Variants in FCER1G observed in about 807,000 individuals in gnomAD.
FCER1G encodes Fc epsilon receptor Ig.
A neutral mutation model predicts 17.3 loss-of-function variants in FCER1G; 7 were observed. The observed-to-expected ratio is 0.40, with a 90% CI of 0.23 to 0.76. The LOEUF (loss-of-function observed/expected upper bound fraction) is 0.76. Ranked by LOEUF, FCER1G falls within the 30% of genes least tolerant of loss-of-function variation. FCER1G has a pLI of 0.35. For missense variants in FCER1G, 87 were observed against 97.7 expected (o/e 0.89, Z 0.46); for synonymous variants, 35 against 38.7 (o/e 0.90, Z 0.35).
Position 161,215,440 on chromosome 1 carries a change from C to T in FCER1G, c.49+70C>T, listed in dbSNP as rs1275314784. Reference sequence around the variant, plus strand: ...GAAGTCCAGAGCTTGGGTCTGAGGGCCAAGTCAAACACAGGTGAAGGAAGG... The same window carrying T: ...GAAGTCCAGAGCTTGGGTCTGAGGGTCAAGTCAAACACAGGTGAAGGAAGG... On this transcript the variant is annotated intron_variant, in intron 1 of 4. Coordinates refer to ENST00000289902, the MANE Select transcript of FCER1G (RefSeq NM_004106.2). 65 of 1,350,420 alleles carry T rather than the reference C, an allele frequency of 4.8e-5. No homozygotes were observed. In the South Asian group the frequency reaches 7.4e-4, roughly 15 times the overall value. The allele number at this position is 1,350,420 out of a possible 1,614,324, so 83.7% of individuals were successfully genotyped here.
intron 3 of FCER1G, 109 bp from the exon 4 acceptor site, chr1:161,218,594 C>G (rs2102065319): frequency 8.7e-7 from 1 of 1,143,030 alleles, no homozygotes; most frequent in Non-Finnish European, 1.3e-6. Flanking sequence ...TGCCCTCTAG[C>G]CCAAGGTGGC....
rs1666105813 is a variant in FCER1G at position 161,218,871 on chromosome 1, C to T, written c.199-10C>T. 8 of 1,612,828 alleles carry T rather than the reference C, an allele frequency of 5.0e-6. No homozygotes were observed. Among genetic ancestry groups the T allele is most frequent in the Non-Finnish European group, 5.1e-6 (6 of 1,178,958 alleles). Reference sequence around the variant, plus strand: ...CCAGCTCCTGATCGCCCTTTGACTCCCATCTCCAGGGCCTGAGCACCAGGA... The same window carrying T: ...CCAGCTCCTGATCGCCCTTTGACTCTCATCTCCAGGGCCTGAGCACCAGGA... On this transcript the variant is annotated splice_polypyrimidine_tract_variant and intron_variant, in intron 4 of 4. Coordinates refer to ENST00000289902, the MANE Select transcript of FCER1G (RefSeq NM_004106.2).
intron 3 of FCER1G, 67 bp from the exon 4 acceptor site, chr1:161,218,636 G>A: frequency 1.3e-6 from 2 of 1,571,578 alleles, no homozygotes; most frequent in Admixed American, 3.3e-5. Flanking sequence ...TCCCTGGGTG[G>A]GGCAGATGCT....
At chr1:161,216,697 C>T (rs997490725) in intron 1 of FCER1G, among the ~76,000 whole-genome samples, 9 of 152,112 alleles carry the variant, frequency 5.9e-5, no homozygotes, top group Non-Finnish European at 1.0e-4. Context: ...TAAGAATTCT[C>T]ACTCCTCGTT....
intron 3 of FCER1G, 85 bp from the exon 4 acceptor site, chr1:161,218,618 C>G (rs911043061): frequency 3.4e-6 from 5 of 1,468,794 alleles, no homozygotes; most frequent in East Asian, 2.3e-5. Context: ...CTGCCCACCC[C>G]CCATGCCTCC....
chr1:161,215,327 T>A lies in FCER1G; in HGVS notation c.6T>A (p.Ile2=), dbSNP rs188955540. ...CGGCCGATCTCCAGCCCAAGATGAT[T>A]CCAGCAGTGGTCTTGCTCTTACTCC... M[I]PAVVLLLLLL... Residue 2 remains isoleucine, a synonymous_variant, in exon 1 of 5, where the codon ATT becomes ATA. Transcript: ENST00000289902. 3 of 1,613,824 alleles carry A rather than the reference T, an allele frequency of 1.9e-6. No homozygotes were observed. Among genetic ancestry groups the A allele is most frequent in the Non-Finnish European group, 1.7e-6 (2 of 1,179,824 alleles).
In FCER1G at chr1:161,216,377, T is replaced by TACACACACAC. The variant is rs57711151; in HGVS notation, c.49+1033_49+1042dup. Among the ~76,000 whole-genome samples the TACACACACAC allele has an allele frequency of 4.7e-3, 569 of 120,502 alleles. 3 individuals carry two copies. Among genetic ancestry groups the TACACACACAC allele is most frequent in the African/African-American group, 0.014 (440 of 31,154 alleles). The allele number at this position is 120,502 out of a possible 152,430, so 79.1% of individuals were successfully genotyped here. On this transcript the variant is annotated intron_variant, in intron 1 of 4. Coordinates refer to ENST00000289902, the MANE Select transcript of FCER1G (RefSeq NM_004106.2). ...CTATCTATATACACACACACACACATACACACACACACACACACACACACA... is the reference window on the plus strand; with the variant it reads ...CTATCTATATACACACACACACACATACACACACACACACACACACACACACACACACACA...
At position 161,217,976 on chromosome 1, in the gene FCER1G, A is replaced by G. The variant is rs781211578; in HGVS notation, c.50-10A>G. 7 of 1,600,810 alleles carry G rather than the reference A, an allele frequency of 4.4e-6. No homozygotes were observed. The highest frequency in any genetic ancestry group is 6.0e-6 in the Non-Finnish European group (7 of 1,168,090). On this transcript the variant is annotated splice_polypyrimidine_tract_variant and intron_variant, in intron 1 of 4. Transcript: ENST00000289902. ...ACCCCCGACCCCATGGGCATCCTCTATCCCCTCAGCGGCCCTGGGAGAGCC... is the reference window on the plus strand; with the variant it reads ...ACCCCCGACCCCATGGGCATCCTCTGTCCCCTCAGCGGCCCTGGGAGAGCC...
intron 1 of FCER1G, among the ~76,000 whole-genome samples, chr1:161,216,377 TACACACACACAC>T (rs57711151): frequency 2.0e-4 from 24 of 120,534 alleles, no homozygotes; most frequent in Middle Eastern, 9.3e-3. Context: ...CACACACACA[TACACACACACAC>T]ACACACACAC....
chr1:161,217,910 C>A, intron 1 of FCER1G, 76 bp from the exon 2 acceptor site: 2 of 985,298 alleles, frequency 2.0e-6, no homozygotes, highest in Non-Finnish European at 3.3e-6. Flanking sequence ...CCTCCCAGAG[C>A]CCCTTCCCTT....
At chr1:161,217,144 C>T (rs1666068517) in intron 1 of FCER1G, among the ~76,000 whole-genome samples, 1 of 152,180 alleles carries the variant, frequency 6.6e-6, no homozygotes, top group Non-Finnish European at 1.5e-5. Context: ...TGACCGATGT[C>T]AGCAATTGAC....
intron 1 of FCER1G, among the ~76,000 whole-genome samples, chr1:161,215,775 T>C (rs1422282205): frequency 6.6e-6 from 1 of 152,032 alleles, no homozygotes; most frequent in African/African-American, 2.4e-5. Context: ...GTATTTTTGG[T>C]AGAAACCGGG....
Position 161,215,384 on chromosome 1 carries a change from G to A in FCER1G, c.49+14G>A. The A allele has an allele frequency of 6.2e-7, 1 of 1,611,958 alleles. No homozygotes were observed. The highest frequency in any genetic ancestry group is 8.5e-7 in the Non-Finnish European group (1 of 1,178,288). ...TTGAACAAGCAGGTAAGAGGGTTTG[G>A]TGAGGGATAGCGTGAGCTGGCTCCA... On this transcript the variant is annotated intron_variant, in intron 1 of 4. Coordinates refer to ENST00000289902, the MANE Select transcript of FCER1G (RefSeq NM_004106.2).
At chr1:161,218,197 G>A (rs1216443590) in intron 2 of FCER1G, 44 bp from the exon 3 acceptor site, 2 of 1,588,152 alleles carry the variant, frequency 1.3e-6, no homozygotes, top group Admixed American at 1.7e-5. Context: ...AAGGGGGATG[G>A]GCCATTAACT....
At chr1:161,215,511 C>A (rs1198293920) in intron 1 of FCER1G, 141 bp downstream of exon 1, 1 of 761,010 alleles carries the variant, frequency 1.3e-6, no homozygotes, top group South Asian at 1.4e-5. Context: ...GGCTAGTCCT[C>A]TCCAGCCCCG....
At chr1:161,217,433 GAC>G (rs1338143088) in intron 1 of FCER1G, among the ~76,000 whole-genome samples, 1 of 149,590 alleles carries the variant, frequency 6.7e-6, no homozygotes, top group African/African-American at 2.5e-5. Flanking sequence ...CTTGTGGTGG[GAC>G]AGAAAGCAAC....
Position 161,218,994 on chromosome 1 carries a change from C to T in FCER1G, c.*51C>T. ...TTCTTTGGCTTCTGGTTCTTCCAGCCCTCATGGTTGGCATCACATATGCCT... is the reference window on the plus strand; with the variant it reads ...TTCTTTGGCTTCTGGTTCTTCCAGCTCTCATGGTTGGCATCACATATGCCT... On this transcript the variant is annotated 3_prime_UTR_variant, in exon 5 of 5. Coordinates refer to ENST00000289902, the MANE Select transcript of FCER1G (RefSeq NM_004106.2). 6.8e-7 allele frequency: 1 copy of T among 1,471,502 alleles called. No individual in the cohort carries two copies. The highest frequency in any genetic ancestry group is 9.5e-7 in the Non-Finnish European group (1 of 1,050,278). The allele number at this position is 1,471,502 out of a possible 1,614,324, so 91.2% of individuals were successfully genotyped here. A position where few individuals can be genotyped will look rare whatever the true frequency, so the allele number is the denominator to read the frequency against.
At position 161,219,039 on chromosome 1, in the gene FCER1G, T is replaced by A. The variant is rs1558090403; in HGVS notation, c.*96T>A. 2.2e-6 allele frequency: 2 copies of A among 890,482 alleles called. No homozygotes were observed. Among genetic ancestry groups the A allele is most frequent in the Non-Finnish European group, 3.8e-6 (2 of 530,050 alleles). 55.2% of individuals were successfully genotyped at this position (890,482 alleles called of 1,614,324 possible). On this transcript the variant is annotated 3_prime_UTR_variant, in exon 5 of 5. Transcript: ENST00000289902. ...ATGCCTGCATGCCATTAACACCAGC[T>A]GGCCCTACCCCTATAATGATCCTGT...
chr1:161,216,423 TATATAGAG>T (rs1388375580), intron 1 of FCER1G, among the ~76,000 whole-genome samples: 7 of 142,192 alleles, frequency 4.9e-5, no homozygotes, highest in East Asian at 2.2e-4. Context: ...TATATATATA[TATATAGAG>T]AGAGAGAGAG....
Sources: allele counts gnomAD v4.1 joint callset (sites outside exome capture counted in the v4.1 genomes callset), GRCh38; gene constraint gnomAD v4.1.1; transcripts MANE v1.5; gene names NCBI Gene and HGNC (gene_info 2026-07-23, HGNC 2026-07-21).